Variants in RNFT2 observed in about 807,000 individuals in gnomAD.
RNFT2 encodes E3 ubiquitin-protein ligase RNFT2.
In RNFT2, 36 loss-of-function variants were observed where a neutral mutation model predicts 53.0. The observed-to-expected ratio is 0.68, with a 90% CI of 0.52 to 0.90. The LOEUF (loss-of-function observed/expected upper bound fraction) is 0.90. Ranked by LOEUF, RNFT2 falls within the 40% of genes least tolerant of loss-of-function variation. RNFT2 has a pLI of 0.00. For missense variants in RNFT2, 514 were observed against 585.6 expected (o/e 0.88, Z 1.26); for synonymous variants, 260 against 253.2 (o/e 1.03, Z -0.26).
chr12:116,764,932 G>C (rs1340845317), intron 5 of RNFT2, among the ~76,000 whole-genome samples: 1 of 152,100 alleles, frequency 6.6e-6, no homozygotes, highest in Non-Finnish European at 1.5e-5. Context: ...AGCTTTGGGG[G>C]CTAGGTCTGT....
At chr12:116,740,877 G>A (rs1871572837) in intron 2 of RNFT2, 159 bp from the exon 3 acceptor site, 1 of 671,634 alleles carries the variant, frequency 1.5e-6, no homozygotes, top group African/African-American at 1.8e-5. Flanking sequence ...ATTGAGGATG[G>A]AATGGCATGA....
At chr12:116,815,785 AT>A (rs1455005508) in intron 7 of RNFT2, among the ~76,000 whole-genome samples, 1 of 152,152 alleles carries the variant, frequency 6.6e-6, no homozygotes, top group East Asian at 1.9e-4. Flanking sequence ...TCAGCCTTCC[AT>A]ATCCCCTACT....
intron 5 of RNFT2, among the ~76,000 whole-genome samples, chr12:116,755,139 A>C (rs1051338258): frequency 6.6e-6 from 1 of 152,168 alleles, no homozygotes; most frequent in Non-Finnish European, 1.5e-5. Context: ...TGAAATCCTT[A>C]ATCCATCTTG....
At chr12:116,846,181 C>G (rs553215035) in intron 10 of RNFT2, among the ~76,000 whole-genome samples, 1 of 152,312 alleles carries the variant, frequency 6.6e-6, no homozygotes, top group Non-Finnish European at 1.5e-5. Flanking sequence ...ACTGTAAACA[C>G]ATAAGATAAT....
intron 5 of RNFT2, among the ~76,000 whole-genome samples, chr12:116,762,485 C>T (rs1566073568): frequency 1.3e-5 from 2 of 152,066 alleles, no homozygotes; most frequent in African/African-American, 4.8e-5. Flanking sequence ...GCCTGTAATC[C>T]CAGCAACTCA....
chr12:116,807,252 C>T (rs1355555030), intron 7 of RNFT2, among the ~76,000 whole-genome samples: 1 of 152,294 alleles, frequency 6.6e-6, no homozygotes, highest in Non-Finnish European at 1.5e-5. Flanking sequence ...CAGGGTCACA[C>T]AGCAAGTCTG....
chr12:116,818,320 C>CAAAAA (rs11380244), intron 7 of RNFT2, among the ~76,000 whole-genome samples: 3 of 141,068 alleles, frequency 2.1e-5, no homozygotes, highest in African/African-American at 8.0e-5. Context: ...GGCCCTATCT[C>CAAAAA]AAAAAAAAAA....
At position 116,740,482 on chromosome 12, in the gene RNFT2, T is replaced by A; in HGVS notation, c.-16T>A. 6.4e-7 allele frequency: 1 copy of A among 1,571,386 alleles called. No individual in the cohort carries two copies. Among genetic ancestry groups the A allele is most frequent in the Non-Finnish European group, 8.6e-7 (1 of 1,156,942 alleles). The stretch of plus-strand genomic sequence containing the variant: ...ATGCCTACCTCCAGTGTCGTCAACA[T>A]GGAGTTCTGAAGTCCATGTGGCTCT... On this transcript the variant is annotated 5_prime_UTR_variant, in exon 2 of 11. The change abolishes an upstream ATG in the 5' untranslated region. Transcript: ENST00000257575.
intron 5 of RNFT2, among the ~76,000 whole-genome samples, chr12:116,764,420 C>T (rs769959799): frequency 6.6e-6 from 1 of 152,070 alleles, no homozygotes; most frequent in African/African-American, 2.4e-5. Context: ...CTTCACTGAC[C>T]CTTCTATAGC....
chr12:116,813,615 A>C (rs1424792317), intron 7 of RNFT2, among the ~76,000 whole-genome samples: 1 of 152,248 alleles, frequency 6.6e-6, no homozygotes, highest in East Asian at 1.9e-4. Context: ...ATTAGGACTT[A>C]AAACTTGGCA....
chr12:116,833,351 C>G (rs754399587), intron 7 of RNFT2, among the ~76,000 whole-genome samples: 27 of 152,252 alleles, frequency 1.8e-4, no homozygotes, highest in Non-Finnish European at 2.8e-4. Context: ...TGTGCCCATC[C>G]TGCCCAGGCC....
intron 7 of RNFT2, among the ~76,000 whole-genome samples, chr12:116,792,969 T>C (rs1006345249): frequency 6.6e-6 from 1 of 152,168 alleles, no homozygotes; most frequent in Non-Finnish European, 1.5e-5. Context: ...CTAGGGACTT[T>C]GGGAATCTCT....
chr12:116,740,250 A>G (rs1871541219), intron 1 of RNFT2, 95 bp from the exon 2 acceptor site: 2 of 449,332 alleles, frequency 4.5e-6, no homozygotes, highest in Non-Finnish European at 8.2e-6. Flanking sequence ...AGCAGATGGA[A>G]TCATCTGCTT....
At chr12:116,834,993 G>A (rs1466211355) in intron 8 of RNFT2, among the ~76,000 whole-genome samples, 2 of 151,944 alleles carry the variant, frequency 1.3e-5, no homozygotes, top group East Asian at 1.9e-4. Flanking sequence ...GGGATTACAG[G>A]CATTCACCAC....
At chr12:116,771,780 A>C (rs1041551754) in intron 6 of RNFT2, among the ~76,000 whole-genome samples, 1 of 152,096 alleles carries the variant, frequency 6.6e-6, no homozygotes, top group Non-Finnish European at 1.5e-5. Context: ...AGCACAGGAA[A>C]TTGAATGGAT....
chr12:116,844,911 C>T (rs77060641), intron 10 of RNFT2, among the ~76,000 whole-genome samples: 1,592 of 152,096 alleles, frequency 0.01, 36 homozygotes, highest in African/African-American at 0.036. Flanking sequence ...GAGCAAGAAC[C>T]GTACTCAGCA....
chr12:116,744,541 A>T (rs771630974), intron 3 of RNFT2, among the ~76,000 whole-genome samples: 1 of 152,194 alleles, frequency 6.6e-6, no homozygotes, highest in Admixed American at 6.5e-5. Flanking sequence ...AGGAAGTAGC[A>T]GGGCTGAGAT....
rs1286836825 is a variant in RNFT2, at chr12:116,828,922, A to G, written c.883-4870A>G. 2.0e-5 allele frequency among the ~76,000 whole-genome samples: 3 copies of G among 151,992 alleles called. No homozygotes were observed. The East Asian group carries it at 5.8e-4, about 29-fold the overall frequency. On this transcript the variant is annotated intron_variant, in intron 7 of 10. Coordinates refer to ENST00000257575, the MANE Select transcript of RNFT2 (RefSeq NM_001382266.1). ...GGACTCAGGAAGCCAAGCTGGCAGG[A>G]GGATCACTTGAGCCCAAGAGATGGA...
At chr12:116,811,707 C>CTG (rs1422030224) in intron 7 of RNFT2, among the ~76,000 whole-genome samples, 8 of 152,082 alleles carry the variant, frequency 5.3e-5, no homozygotes, top group South Asian at 2.1e-4. Context: ...ATGTGTGTGT[C>CTG]TGTGTGTGTG....
Sources: gnomAD v4.1 joint callset for allele counts (sites outside exome capture counted in the v4.1 genomes callset) on GRCh38, gnomAD v4.1.1 for gene constraint, MANE v1.5 for transcripts, NCBI Gene and HGNC (gene_info 2026-07-23, HGNC 2026-07-21) for gene names.